The following ARHGEF18 variants were observed in gnomAD, a reference collection of about 807,000 sequenced individuals.
ARHGEF18 encodes rho guanine nucleotide exchange factor 18.
In ARHGEF18, 93 loss-of-function variants were observed where a neutral mutation model predicts 155.7. The ratio of observed to expected loss-of-function variants is 0.60; its 90% CI spans 0.50 to 0.71. The LOEUF (loss-of-function observed/expected upper bound fraction) is 0.71, where lower values mean the gene tolerates loss of function less well. ARHGEF18 is among the 30% of genes least tolerant of loss of function. ARHGEF18 has a pLI of 0.00. For missense variants in ARHGEF18, 1,593 were observed against 1,816.1 expected, an observed-to-expected ratio of 0.88 and a Z score of 2.23; for synonymous variants, 742 against 753.1, an observed-to-expected ratio of 0.99 and a Z score of 0.24.
chr19:7,467,538 C>T lies in ARHGEF18; in HGVS notation c.3334C>T (p.Gln1112Ter). The change falls in exon 26 of 29, where the codon CAG becomes TAG. Residue 1112 changes from glutamine to a stop codon, truncating the protein, a stop_gained. Coordinates refer to ENST00000668164, the MANE Select transcript of ARHGEF18 (RefSeq NM_001367823.1). LOFTEE classifies it high-confidence loss of function. ...LEQERAELER[Q>*]RQAYQHDLER... The stretch of plus-strand genomic sequence containing the variant: ...GCAGGAGCGGGCCGAGCTGGAGCGC[C>T]AGCGCCAGGCCTACCAGCACGACCT... 3 of 1,449,286 alleles carry T rather than the reference C, an allele frequency of 2.1e-6. No individual in the cohort carries two copies. Among genetic ancestry groups the T allele is most frequent in the Non-Finnish European group, 2.7e-6 (3 of 1,112,310 alleles). 89.8% of individuals were successfully genotyped at this position (1,449,286 alleles called of 1,614,324 possible).
the ARHGEF18 span, among the ~76,000 whole-genome samples, chr19:7,479,613 C>T: frequency 6.6e-6 from 1 of 152,244 alleles, no homozygotes; most frequent in African/African-American, 2.4e-5. Context: ...GGAATGCTCT[C>T]CACCCACTCC....
Position 7,378,973 on chromosome 19 carries a change from G to A in ARHGEF18, c.600-149G>A, listed in dbSNP as rs562281022. 2.1e-4 allele frequency: 119 copies of A among 573,846 alleles called. No individual in the cohort carries two copies. The African/African-American group carries it at 2.1e-3, about 10-fold the overall frequency. The allele number at this position is 573,846 out of a possible 1,614,324, so 35.5% of individuals were successfully genotyped here. On this transcript the variant is annotated intron_variant, in intron 6 of 28. Transcript: ENST00000668164. ...CTCCCAAAGTACTGGGATTACAGGC[G>A]TGAGCCACTGTGCCCGGCTGACTGT... is the stretch of plus-strand genomic sequence containing the variant.
At chr19:7,438,075 C>A (rs1974385080) in intron 10 of ARHGEF18, among the ~76,000 whole-genome samples, 1 of 133,426 alleles carries the variant, frequency 7.5e-6, no homozygotes, top group East Asian at 2.6e-4. Flanking sequence ...CTCCCCTCCC[C>A]TCCCCTCCCT....
chr19:7,394,044 A>C (rs1335547389), intron 10 of ARHGEF18, among the ~76,000 whole-genome samples: 1 of 151,322 alleles, frequency 6.6e-6, no homozygotes, highest in East Asian at 1.9e-4. Context: ...TTTGAGACAG[A>C]GTCTTGCTCT....
chr19:7,451,290 G>A (rs62109836), intron 16 of ARHGEF18, 24 bp downstream of exon 16: 32 of 1,601,108 alleles, frequency 2.0e-5, no homozygotes, highest in Non-Finnish European at 2.6e-5. Flanking sequence ...CCACTGCCCC[G>A]CCCGCCCGTG....
intron 15 of ARHGEF18, among the ~76,000 whole-genome samples, chr19:7,450,504 G>C (rs567913346): frequency 5.5e-3 from 832 of 151,166 alleles, no homozygotes; most frequent in African/African-American, 0.019. Context: ...GTTAATACGG[G>C]ATCTTGCTGT....
intron 10 of ARHGEF18, among the ~76,000 whole-genome samples, chr19:7,426,283 T>G (rs1600397399): frequency 6.6e-6 from 1 of 150,840 alleles, no homozygotes. Context: ...AGGTTAGGAG[T>G]TGGAGACCAG....
At chr19:7,478,566 G>A in the ARHGEF18 span, among the ~76,000 whole-genome samples, 3 of 152,282 alleles carry the variant, frequency 2.0e-5, no homozygotes, top group Non-Finnish European at 2.9e-5. Flanking sequence ...TCTCTAACAC[G>A]GCCCCGTCCC....
chr19:7,413,390 C>G (rs1260219755), intron 10 of ARHGEF18, among the ~76,000 whole-genome samples: 1 of 151,688 alleles, frequency 6.6e-6, no homozygotes, highest in Non-Finnish European at 1.5e-5. Flanking sequence ...CAAGCTCCAC[C>G]TCCTGGGTTC....
rs759351144 is a variant in ARHGEF18 at position 7,464,572 on chromosome 19, A to G, written c.2786A>G (p.Lys929Arg). 5 of 1,610,474 alleles carry G rather than the reference A, an allele frequency of 3.1e-6. No homozygotes were observed. In the South Asian group the frequency reaches 3.3e-5, roughly 11 times the overall value. ...TNSPTKNGSFKKKVSSTDPRP... is the reference protein window; with the variant it reads ...TNSPTKNGSFRKKVSSTDPRP... ...TTGGGGTTCTCAGATGGCAGTTTCAAGAAGAAAGTCAGCAGCACTGACCCC... is the reference window on the plus strand; with the variant it reads ...TTGGGGTTCTCAGATGGCAGTTTCAGGAAGAAAGTCAGCAGCACTGACCCC... The change falls in exon 23 of 29, where the codon AAG (lysine) becomes AGG (arginine). Residue 929 changes from lysine to arginine, a missense_variant. Transcript: ENST00000668164.
At chr19:7,381,085 G>A (rs1970711702) in intron 8 of ARHGEF18, 91 bp downstream of exon 8, 8 of 1,038,624 alleles carry the variant, frequency 7.7e-6, no homozygotes, top group Non-Finnish European at 9.9e-6. Flanking sequence ...CCCATGCTGG[G>A]GGCAGGAGCT....
At chr19:7,466,854 G>GAAGAAGAAA in intron 23 of ARHGEF18, 64 bp from the exon 24 acceptor site, 2 of 1,114,810 alleles carry the variant, frequency 1.8e-6, no homozygotes, top group East Asian at 5.1e-5. Context: ...AGAAGAAGAA[G>GAAGAAGAAA]GCTTGAGTCT....
downstream of ARHGEF18, among the ~76,000 whole-genome samples, chr19:7,474,064 C>T (rs1306519052): frequency 1.3e-5 from 2 of 151,390 alleles, no homozygotes; most frequent in Admixed American, 6.6e-5. Flanking sequence ...AAGGGCTGGA[C>T]GCAGTGGCTC....
chr19:7,477,831 A>G, the ARHGEF18 span, among the ~76,000 whole-genome samples: 1 of 152,202 alleles, frequency 6.6e-6, no homozygotes, highest in African/African-American at 2.4e-5. Context: ...AGCCTGGCCA[A>G]TATGGCGAGA....
chr19:7,473,281 A>G (rs748351751), downstream of ARHGEF18: 17 of 456,248 alleles, frequency 3.7e-5, no homozygotes, highest in South Asian at 1.1e-4. Flanking sequence ...TAGGAAGCGC[A>G]AAAAGGGAAC....
At chr19:7,456,523 C>A in intron 18 of ARHGEF18, 120 bp downstream of exon 18, 1 of 897,380 alleles carries the variant, frequency 1.1e-6, no homozygotes, top group Non-Finnish European at 1.8e-6. Context: ...TGAAGTCCAG[C>A]CTGGCCAACA....
chr19:7,469,016 G>A lies in ARHGEF18; in HGVS notation c.3672G>A (p.Gln1224=), dbSNP rs760222711. 10 of 1,601,328 alleles carry A rather than the reference G, an allele frequency of 6.2e-6. No homozygotes were observed. In the East Asian group the frequency reaches 2.3e-4, roughly 36 times the overall value. The change falls in exon 27 of 29, where the codon CAG becomes CAA. Residue 1224 remains glutamine (Q), a synonymous_variant. Transcript: ENST00000668164. ...TCCAGCTGCTCAGCGCCACCAACCA[G>A]TTCCAGAGGCAGGCGGCCGTGCAGC... ...VPIQLLSATN[Q]FQRQAAVQQQ...
downstream of ARHGEF18, among the ~76,000 whole-genome samples, chr19:7,474,338 CA>C (rs1168948173): frequency 3.7e-5 from 5 of 136,872 alleles, no homozygotes; most frequent in African/African-American, 8.1e-5. Flanking sequence ...GACTTCGTCT[CA>C]AAAAAAAAAG....
At chr19:7,450,667 T>C (rs1975350861) in intron 15 of ARHGEF18, among the ~76,000 whole-genome samples, 1 of 152,282 alleles carries the variant, frequency 6.6e-6, no homozygotes, top group African/African-American at 2.4e-5. Context: ...GCTGTCCATT[T>C]CCGAGATGTT....
Sources: gnomAD v4.1 joint callset for allele counts (sites outside exome capture counted in the v4.1 genomes callset) on GRCh38, gnomAD v4.1.1 for gene constraint, MANE v1.5 for transcripts, NCBI Gene and HGNC (gene_info 2026-07-23, HGNC 2026-07-21) for gene names.